The following PRPF3 variants were observed in gnomAD, a reference collection of about 807,000 sequenced individuals.
PRPF3 encodes pre-mRNA processing factor 3, also known as U4/U6 small nuclear ribonucleoprotein Prp3.
In PRPF3, 3 loss-of-function variants were observed where a neutral mutation model predicts 89.2. The observed-to-expected ratio is 0.03, with a 90% CI of 0.02 to 0.09. The LOEUF is 0.09. PRPF3 is among the 10% of genes least tolerant of loss of function. The pLI is 1.00. For synonymous variants in PRPF3, 270 were observed against 289.1 expected (o/e 0.93, Z 0.67); for missense variants, 463 against 828.8 (o/e 0.56, Z 5.42).
At chr1:150,347,321 TAC>T (rs1172103427) in intron 14 of PRPF3, among the ~76,000 whole-genome samples, 2 of 151,486 alleles carry the variant, frequency 1.3e-5, no homozygotes, top group African/African-American at 2.4e-5. Flanking sequence ...CACATACACA[TAC>T]ACACAATACA....
At chr1:150,350,022 A>G (rs970543692) in intron 15 of PRPF3, among the ~76,000 whole-genome samples, 8 of 151,772 alleles carry the variant, frequency 5.3e-5, no homozygotes, top group Non-Finnish European at 8.8e-5. Flanking sequence ...CAGCCTCCCA[A>G]GTAGCTGGGA....
At chr1:150,333,593 T>C (rs1461028280) in intron 6 of PRPF3, among the ~76,000 whole-genome samples, 1 of 152,108 alleles carries the variant, frequency 6.6e-6, no homozygotes, top group Non-Finnish European at 1.5e-5. Context: ...ACTGATCCTC[T>C]TTTTCCACAG....
At chr1:150,337,797 G>A (rs184106902) in intron 7 of PRPF3, among the ~76,000 whole-genome samples, 5 of 151,182 alleles carry the variant, frequency 3.3e-5, no homozygotes, top group East Asian at 3.9e-4. Context: ...GATTCTGGCC[G>A]GGCACAGTGG....
intron 9 of PRPF3, among the ~76,000 whole-genome samples, chr1:150,341,993 C>T (rs894015715): frequency 7.2e-5 from 11 of 151,968 alleles, no homozygotes; most frequent in Admixed American, 2.0e-4. Context: ...CGTGAGCCAC[C>T]GCACCTGGCC....
chr1:150,337,107 C>G (rs1657096624), intron 7 of PRPF3, among the ~76,000 whole-genome samples: 1 of 139,506 alleles, frequency 7.2e-6, no homozygotes, highest in Non-Finnish European at 1.5e-5. Context: ...GGCACGATCT[C>G]AGCTCACTGA....
chr1:150,321,474 T>C (rs1655030436), upstream of PRPF3: 1 of 152,800 alleles, frequency 6.5e-6, no homozygotes. Context: ...GGTCACGTGT[T>C]GGGAGACAGC....
intron 4 of PRPF3, chr1:150,329,628 A>G (rs587663956): frequency 1.3e-5 from 2 of 152,294 alleles, no homozygotes; most frequent in African/African-American, 4.8e-5. Context: ...TGTTTTTTCA[A>G]TTGGCATTGT....
intron 9 of PRPF3, among the ~76,000 whole-genome samples, chr1:150,341,308 G>T (rs940739629): frequency 6.6e-6 from 1 of 151,570 alleles, no homozygotes; most frequent in African/African-American, 2.4e-5. Flanking sequence ...TATTAGATGC[G>T]ATATGCTCCA....
At chr1:150,326,879 G>A (rs1355353992) in intron 3 of PRPF3, among the ~76,000 whole-genome samples, 1 of 152,000 alleles carries the variant, frequency 6.6e-6, no homozygotes, top group African/African-American at 2.4e-5. Flanking sequence ...GAAGAGGCAG[G>A]GGTATCACAA....
chr1:150,332,829 T>C, intron 5 of PRPF3, 62 bp downstream of exon 5: 2 of 1,572,484 alleles, frequency 1.3e-6, no homozygotes, highest in Non-Finnish European at 1.7e-6. Context: ...TGCCATCCAC[T>C]CAAAATGAGA....
intron 15 of PRPF3, among the ~76,000 whole-genome samples, chr1:150,351,414 A>G (rs587628742): frequency 6.6e-6 from 1 of 152,292 alleles, no homozygotes; most frequent in Non-Finnish European, 1.5e-5. Context: ...AGATTCTTCA[A>G]TTTATGCATA....
chr1:150,352,745 C>T (rs1659072787), intron 15 of PRPF3, 88 bp from the exon 16 acceptor site: 2 of 1,439,088 alleles, frequency 1.4e-6, no homozygotes, highest in Admixed American at 1.7e-5. Context: ...GCACATGTCT[C>T]ACAAATGTTA....
intron 4 of PRPF3, among the ~76,000 whole-genome samples, chr1:150,331,778 AGAG>A: frequency 6.6e-6 from 1 of 152,334 alleles, no homozygotes; most frequent in East Asian, 1.9e-4. Context: ...GCAAAATGTA[AGAG>A]GAGTTGTTTG....
chr1:150,352,210 A>G (rs187667752), intron 15 of PRPF3, among the ~76,000 whole-genome samples: 20 of 152,242 alleles, frequency 1.3e-4, no homozygotes, highest in Admixed American at 5.9e-4. Flanking sequence ...TTGAAGGCTC[A>G]GATTTAGTCC....
Position 150,325,847 on chromosome 1 carries a change from C to G in PRPF3, c.242C>G (p.Ser81Cys), listed in dbSNP as rs1553863610. Residue 81 changes from serine to cysteine, a missense_variant, in exon 3 of 16, where the codon TCT becomes TGT. By Grantham distance (112) the Ser-to-Cys change is moderately radical. Transcript: ENST00000324862. ...GGCCGAAGCTCTAGGCATTCCAAGT[C>G]TAGCAGTGACAGGAGCAGAAAACGA... ...EEGRSSRHSK[S>C]SSDRSRKREL... is the part of the protein sequence containing the mutation. 6.2e-7 allele frequency: 1 copy of G among 1,613,676 alleles called. No homozygotes were observed. Among genetic ancestry groups the G allele is most frequent in the South Asian group, 1.1e-5 (1 of 91,054 alleles).
chr1:150,325,797 C>A lies in PRPF3; in HGVS notation c.192C>A (p.Asp64Glu). 1 of 1,613,686 alleles carries A rather than the reference C, an allele frequency of 6.2e-7. No individual in the cohort carries two copies. Among genetic ancestry groups the A allele is most frequent in the East Asian group, 2.2e-5 (1 of 44,856 alleles). The part of the protein sequence containing the change: ...FLDDSTLRFV[D>E]KLFEAVEEGR... ...ATGATTCTACTCTCCGATTTGTGGA[C>A]AAACTGTTTGAGGCTGTGGAGGAAG... The change falls in exon 3 of 16, where the codon GAC (aspartate) becomes GAA (glutamate). Residue 64 changes from aspartate to glutamate, a missense_variant. Transcript: ENST00000324862.
chr1:150,346,962 A>G (rs1288203750), intron 14 of PRPF3, among the ~76,000 whole-genome samples: 6 of 152,098 alleles, frequency 3.9e-5, no homozygotes, highest in Non-Finnish European at 8.8e-5. Flanking sequence ...GTGGTGGCAC[A>G]CACCTGTATT....
intron 3 of PRPF3, among the ~76,000 whole-genome samples, chr1:150,326,858 G>A (rs1239658715): frequency 6.6e-6 from 1 of 152,106 alleles, no homozygotes; most frequent in Admixed American, 6.6e-5. Context: ...GAGCCCAGGA[G>A]TTACAATTTA....
Position 150,324,074 on chromosome 1 carries a change from C to T in PRPF3, c.-48-821C>T, listed in dbSNP as rs193061364. On this transcript the variant is annotated intron_variant, in intron 1 of 15. Coordinates refer to ENST00000324862, the MANE Select transcript of PRPF3 (RefSeq NM_004698.4). ...GATTACAGGCGTGAGCCACCGCGCC[C>T]GGCCAGAACATTCTTAAAGATCATG... Among the ~76,000 whole-genome samples, 358 of 152,166 alleles carry T rather than the reference C, an allele frequency of 2.4e-3. 2 individuals are homozygous for T. Among genetic ancestry groups the T allele is most frequent in the South Asian group, 5.6e-3 (27 of 4,820 alleles).
Sources: gnomAD v4.1 joint callset for allele counts (sites outside exome capture counted in the v4.1 genomes callset) on GRCh38, gnomAD v4.1.1 for gene constraint, MANE v1.5 for transcripts, NCBI Gene and HGNC (gene_info 2026-07-23, HGNC 2026-07-21) for gene names.